Variants in SEZ6L observed in about 807,000 individuals in gnomAD.
SEZ6L encodes seizure related 6 homolog like, also known as seizure 6-like protein.
In SEZ6L, 37 loss-of-function variants were observed where a neutral mutation model predicts 106.2. The observed-to-expected ratio is 0.35, with a 90% CI of 0.27 to 0.46. The LOEUF (loss-of-function observed/expected upper bound fraction) is 0.46. Among genes scored for constraint, SEZ6L ranks in the 20% least tolerant of loss-of-function variants. SEZ6L has a pLI of 1.00. For synonymous variants in SEZ6L, 541 were observed against 570.4 expected (o/e 0.95, Z 0.73); for missense variants, 1,172 against 1,332.8 (o/e 0.88, Z 1.88).
At chr22:26,223,088 G>C (rs1475668266) in intron 1 of SEZ6L, among the ~76,000 whole-genome samples, 1 of 152,010 alleles carries the variant, frequency 6.6e-6, no homozygotes, top group South Asian at 2.1e-4. Flanking sequence ...TGACATCTTT[G>C]TGGCCACCTC....
At chr22:26,206,611 A>G (rs1941285615) in intron 1 of SEZ6L, among the ~76,000 whole-genome samples, 1 of 152,240 alleles carries the variant, frequency 6.6e-6, no homozygotes. Context: ...TGCCAATAAC[A>G]TGAGCGACCT....
chr22:26,336,800 A>G (rs1171522570), intron 9 of SEZ6L, among the ~76,000 whole-genome samples: 1 of 152,158 alleles, frequency 6.6e-6, no homozygotes, highest in Non-Finnish European at 1.5e-5. Flanking sequence ...CCACCTAGTT[A>G]GGAAAAATAT....
chr22:26,298,530 C>T (rs942801549), intron 4 of SEZ6L, among the ~76,000 whole-genome samples: 4 of 152,328 alleles, frequency 2.6e-5, no homozygotes, highest in South Asian at 2.1e-4. Flanking sequence ...GCTCCTGTCT[C>T]GCAGGCCAGT....
intron 9 of SEZ6L, among the ~76,000 whole-genome samples, chr22:26,322,845 C>T (rs1230666957): frequency 2.0e-5 from 3 of 152,234 alleles, no homozygotes; most frequent in Admixed American, 6.5e-5. Flanking sequence ...AAATCTGCCT[C>T]TTCCTCTAAA....
intron 5 of SEZ6L, among the ~76,000 whole-genome samples, chr22:26,302,172 G>A (rs750897741): frequency 6.6e-6 from 1 of 152,192 alleles, no homozygotes; most frequent in African/African-American, 2.4e-5. Flanking sequence ...TCTCTCCTGA[G>A]CTCCTCCCCT....
intron 1 of SEZ6L, among the ~76,000 whole-genome samples, chr22:26,234,031 T>A (rs753361164): frequency 7.5e-4 from 114 of 152,144 alleles, no homozygotes; most frequent in Non-Finnish European, 1.6e-3. Context: ...TCAGTTCACA[T>A]GGGGTTCTGA....
rs142670064 is a variant in SEZ6L at position 26,306,076 on chromosome 22, G to A, written c.1446G>A (p.Thr482=). 8.1e-6 allele frequency: 13 copies of A among 1,614,036 alleles called. No individual in the cohort carries two copies. Among genetic ancestry groups the A allele is most frequent in the Admixed American group, 5.0e-5 (3 of 60,006 alleles). Residue 482 remains threonine, a synonymous_variant, in exon 6 of 17, where the codon ACG becomes ACA. Transcript: ENST00000248933. ...ATGGGAGCCAATTCTGCATCTGGAC[G>A]ATTGAAGCTCCAGAGGGCCAGAAGC... ...NTNGSQFCIW[T]IEAPEGQKLH...
chr22:26,327,437 T>G (rs1241287135), intron 9 of SEZ6L, among the ~76,000 whole-genome samples: 1 of 82,314 alleles, frequency 1.2e-5, no homozygotes, highest in Non-Finnish European at 2.4e-5. Flanking sequence ...AAACCACACA[T>G]ATGACACTAC....
chr22:26,299,231 T>A, intron 5 of SEZ6L, 62 bp downstream of exon 5: 1 of 1,259,966 alleles, frequency 7.9e-7, no homozygotes. Flanking sequence ...AAGACCAACC[T>A]GTAGGACACC....
chr22:26,336,682 G>A (rs190712400), intron 9 of SEZ6L, among the ~76,000 whole-genome samples: 3 of 152,282 alleles, frequency 2.0e-5, no homozygotes, highest in Non-Finnish European at 4.4e-5. Context: ...GGTTTCTCGA[G>A]TTTAGCCCTG....
intron 9 of SEZ6L, among the ~76,000 whole-genome samples, chr22:26,327,788 A>G (rs2082366280): frequency 6.6e-6 from 1 of 152,208 alleles, no homozygotes; most frequent in Non-Finnish European, 1.5e-5. Context: ...GCTTCCCTCA[A>G]GGTGAGCTCT....
intron 9 of SEZ6L, among the ~76,000 whole-genome samples, chr22:26,333,106 AT>A (rs764798927): frequency 6.1e-4 from 93 of 152,276 alleles, no homozygotes; most frequent in Non-Finnish European, 2.5e-4. Context: ...GAAAGGGAGG[AT>A]TTAAAGAAGC....
chr22:26,288,798 T>A (rs1438201255), intron 1 of SEZ6L, among the ~76,000 whole-genome samples: 1 of 152,248 alleles, frequency 6.6e-6, no homozygotes, highest in African/African-American at 2.4e-5. Context: ...TTTTGTCACC[T>A]CCTTGTGTGC....
chr22:26,247,348 T>A lies in SEZ6L; in HGVS notation c.95-45058T>A, dbSNP rs1486237847. On this transcript the variant is annotated intron_variant, in intron 1 of 16. Transcript: ENST00000248933. ...TGTCCCCACCCTCCCCAAATTCATG[T>A]CTGCCGAAAAGCTCAGGATGTAACC... Among the ~76,000 whole-genome samples the A allele has an allele frequency of 2.0e-5, 3 of 152,198 alleles. No individual in the cohort carries two copies. In the East Asian group the frequency reaches 5.8e-4, roughly 29 times the overall value.
chr22:26,229,822 C>T (rs548903066), intron 1 of SEZ6L, among the ~76,000 whole-genome samples: 10 of 152,246 alleles, frequency 6.6e-5, no homozygotes, highest in Non-Finnish European at 2.9e-5. Flanking sequence ...TTCAGGACGT[C>T]AGGCTAGGGC....
intron 1 of SEZ6L, among the ~76,000 whole-genome samples, chr22:26,203,400 A>G (rs754941317): frequency 2.0e-5 from 3 of 152,196 alleles, no homozygotes; most frequent in Non-Finnish European, 4.4e-5. Flanking sequence ...TAATAGCTCT[A>G]TCCCCCTAGC....
intron 1 of SEZ6L, among the ~76,000 whole-genome samples, chr22:26,249,722 G>A (rs1228448592): frequency 6.6e-6 from 1 of 152,132 alleles, no homozygotes; most frequent in Non-Finnish European, 1.5e-5. Context: ...TCGTAAGGTA[G>A]TTCTACTTTT....
chr22:26,218,901 G>C (rs772263382), intron 1 of SEZ6L, among the ~76,000 whole-genome samples: 7 of 152,028 alleles, frequency 4.6e-5, no homozygotes, highest in Non-Finnish European at 8.8e-5. Context: ...TTGTGCCACT[G>C]CACTCCAGCC....
intron 1 of SEZ6L, among the ~76,000 whole-genome samples, chr22:26,204,500 A>T (rs999807923): frequency 3.3e-5 from 5 of 152,264 alleles, no homozygotes; most frequent in African/African-American, 1.2e-4. Flanking sequence ...AGCTGAGGCT[A>T]GAAGAGGTTA....
Sources: gnomAD v4.1 joint callset for allele counts (sites outside exome capture counted in the v4.1 genomes callset) on GRCh38, gnomAD v4.1.1 for gene constraint, MANE v1.5 for transcripts, NCBI Gene and HGNC (gene_info 2026-07-23, HGNC 2026-07-21) for gene names.